Variants in COL5A2 observed in about 807,000 individuals in gnomAD.
The protein encoded by COL5A2 is collagen alpha-2(V) chain.
A neutral mutation model predicts 208.2 loss-of-function variants in COL5A2; 23 were observed. The observed-to-expected ratio is 0.11, with a 90% CI of 0.08 to 0.16. The LOEUF is 0.16. Ranked by LOEUF, COL5A2 falls within the 10% of genes least tolerant of loss-of-function variation. COL5A2 has a pLI of 1.00. For synonymous variants in COL5A2, 625 were observed against 628.5 expected (o/e 0.99, Z 0.08); for missense variants, 1,590 against 1,956.4 (o/e 0.81, Z 3.53).
chr2:189,362,681 A>C, the COL5A2 span, among the ~76,000 whole-genome samples: 1 of 152,154 alleles, frequency 6.6e-6, no homozygotes, highest in African/African-American at 2.4e-5. Flanking sequence ...TGAACTTATC[A>C]GCTTTCCTAT....
chr2:189,117,486 T>A (rs900300854), intron 1 of COL5A2, among the ~76,000 whole-genome samples: 19 of 152,130 alleles, frequency 1.2e-4, no homozygotes, highest in African/African-American at 4.3e-4. Context: ...TTCTGAATGA[T>A]GTCTACTTAA....
At position 189,191,181 on chromosome 2, in the gene COL5A2, A is replaced by G. The variant is rs772137318; in HGVS notation, c.-42+33967T>C. ...AAACAAACAAACAACAAAAAACAAC[A>G]ACAAAAAAAACCACTCAGGTGGCTT... On this transcript the variant is annotated intron_variant, in intron 1 of 10. Coordinates refer to the COL5A2 transcript ENST00000649966. Among the ~76,000 whole-genome samples, 23 of 146,928 alleles carry G rather than the reference A, an allele frequency of 1.6e-4. 1 individual carries two copies. Among genetic ancestry groups the G allele is most frequent in the Non-Finnish European group, 3.3e-4 (22 of 66,226 alleles).
chr2:189,222,289 T>C (rs1302250938), intron 1 of COL5A2, among the ~76,000 whole-genome samples: 1 of 152,154 alleles, frequency 6.6e-6, no homozygotes, highest in East Asian at 1.9e-4. Flanking sequence ...GAGATTCAGA[T>C]TCAGTAGGAT....
At chr2:189,162,928 A>C (rs1688396506) in intron 1 of COL5A2, among the ~76,000 whole-genome samples, 2 of 152,168 alleles carry the variant, frequency 1.3e-5, no homozygotes, top group Admixed American at 6.6e-5. Flanking sequence ...TTCCAAAAAA[A>C]TTCTGTGCTC....
At chr2:189,231,698 T>G in the COL5A2 span, among the ~76,000 whole-genome samples, 4 of 151,774 alleles carry the variant, frequency 2.6e-5, no homozygotes, top group African/African-American at 9.7e-5. Context: ...GATAAAATAT[T>G]TAATGAATGT....
intron 1 of COL5A2, among the ~76,000 whole-genome samples, chr2:189,208,392 G>A (rs17270987): frequency 0.14 from 21,896 of 152,184 alleles, 2,001 homozygotes; most frequent in South Asian, 0.2. Context: ...CATTAATTTT[G>A]TCCAGAACTC....
the COL5A2 span, among the ~76,000 whole-genome samples, chr2:189,305,829 A>C: frequency 0.031 from 4,729 of 152,170 alleles, 105 homozygotes; most frequent in South Asian, 0.049. Context: ...AAAAAAAAAA[A>C]AAACTAGACA....
At chr2:189,158,865 A>G (rs534737789) in intron 1 of COL5A2, among the ~76,000 whole-genome samples, 4 of 152,206 alleles carry the variant, frequency 2.6e-5, no homozygotes, top group East Asian at 1.9e-4. Context: ...CCTATTTCTT[A>G]GCCTAATTAT....
At chr2:189,077,905 T>G (rs1686445184) in intron 16 of COL5A2, among the ~76,000 whole-genome samples, 1 of 152,222 alleles carries the variant, frequency 6.6e-6, no homozygotes, top group Non-Finnish European at 1.5e-5. Flanking sequence ...TAATGAACTA[T>G]AAGTCTGAAA....
intron 41 of COL5A2, 111 bp from the exon 42 acceptor site, chr2:189,051,592 T>C: frequency 1.1e-6 from 1 of 891,912 alleles, no homozygotes; most frequent in Non-Finnish European, 1.6e-6. Context: ...CGCAGGTTCA[T>C]TTTACCTGTT....
At chr2:189,286,094 GA>G in the COL5A2 span, among the ~76,000 whole-genome samples, 265 of 137,600 alleles carry the variant, frequency 1.9e-3, 1 homozygote, top group East Asian at 0.014. Context: ...ATACGTGGTT[GA>G]AAAAAAAAAA....
chr2:189,054,900 T>C (rs1685870676), intron 35 of COL5A2, among the ~76,000 whole-genome samples: 1 of 151,878 alleles, frequency 6.6e-6, no homozygotes, highest in Non-Finnish European at 1.5e-5. Flanking sequence ...TTTTTTTTTT[T>C]TGAGACGGAG....
At chr2:189,351,148 C>T in the COL5A2 span, among the ~76,000 whole-genome samples, 1 of 152,130 alleles carries the variant, frequency 6.6e-6, no homozygotes, top group African/African-American at 2.4e-5. Context: ...ATAAACTTCA[C>T]TAAATTCTGG....
chr2:189,074,846 A>G (rs1037069697), intron 17 of COL5A2, among the ~76,000 whole-genome samples: 2 of 152,180 alleles, frequency 1.3e-5, no homozygotes, highest in Admixed American at 6.5e-5. Flanking sequence ...GTGGTATTCA[A>G]ACTCATTCTT....
intron 1 of COL5A2, among the ~76,000 whole-genome samples, chr2:189,169,196 T>C (rs1688525570): frequency 6.6e-6 from 1 of 152,216 alleles, no homozygotes; most frequent in African/African-American, 2.4e-5. Flanking sequence ...TAGAGACTTC[T>C]ATGATTATCA....
the COL5A2 span, among the ~76,000 whole-genome samples, chr2:189,276,407 T>C: frequency 1.3e-5 from 2 of 152,202 alleles, no homozygotes; most frequent in African/African-American, 4.8e-5. Flanking sequence ...TCTTAGACCC[T>C]GTTGCTCACT....
chr2:189,319,131 T>C, the COL5A2 span, among the ~76,000 whole-genome samples: 2 of 152,194 alleles, frequency 1.3e-5, no homozygotes, highest in African/African-American at 4.8e-5. Flanking sequence ...TGGCATGAAA[T>C]TAAATGAAAT....
chr2:189,433,931 C>T, the COL5A2 span, among the ~76,000 whole-genome samples: 2 of 152,156 alleles, frequency 1.3e-5, no homozygotes, highest in South Asian at 4.1e-4. Context: ...CAAAAATCCT[C>T]AATAAAATAC....
chr2:189,196,173 A>G (rs1688998901), intron 1 of COL5A2, among the ~76,000 whole-genome samples: 1 of 152,228 alleles, frequency 6.6e-6, no homozygotes, highest in Admixed American at 6.5e-5. Flanking sequence ...AAAAGAAGAC[A>G]TTTATGCAAC....
Sources: allele counts gnomAD v4.1 joint callset (sites outside exome capture counted in the v4.1 genomes callset), GRCh38; gene constraint gnomAD v4.1.1; transcripts MANE v1.5; gene names NCBI Gene and HGNC (gene_info 2026-07-23, HGNC 2026-07-21).